FRMPD1: variants seen among roughly 807,000 people sequenced by gnomAD.
The protein encoded by FRMPD1 is FERM and PDZ domain-containing protein 1.
FRMPD1 carries 76 observed loss-of-function variants against 117.8 expected under a neutral mutation model. The ratio of observed to expected loss-of-function variants is 0.65; its 90% CI spans 0.54 to 0.78. The LOEUF is 0.78. Among genes scored for constraint, FRMPD1 ranks in the 30% least tolerant of loss-of-function variants. The pLI, the probability that FRMPD1 is intolerant of heterozygous loss-of-function variation, is 0.00. For missense variants in FRMPD1, 1,786 were observed against 1,964.5 expected (o/e 0.91, Z 1.72); for synonymous variants, 783 against 770.4 (o/e 1.02, Z -0.27).
the FRMPD1 span, chr9:37,636,812 G>A: frequency 3.7e-6 from 6 of 1,611,942 alleles, no homozygotes; most frequent in Non-Finnish European, 4.2e-6. Flanking sequence ...GGTCATGAAC[G>A]CCTGCTCGAC....
chr9:37,619,960 T>A, the FRMPD1 span, among the ~76,000 whole-genome samples: 5 of 151,646 alleles, frequency 3.3e-5, 1 homozygote, highest in South Asian at 1.0e-3. Context: ...TTTGTTTCTA[T>A]CCTCCCCCAC....
Position 37,669,338 on chromosome 9 carries a change from C to T in FRMPD1, c.-5+18244C>T, listed in dbSNP as rs375438955. Among the ~76,000 whole-genome samples the T allele has an allele frequency of 4.6e-5, 7 of 152,332 alleles. No homozygotes were observed. The East Asian group carries it at 1.2e-3, about 25-fold the overall frequency. ...AGGATTCTTCAAGTATGGTCCCCAC[C>T]TGTATTCTCCGAGAGCCTGTGAGAA... is the stretch of plus-strand genomic sequence containing the variant. On this transcript the variant is annotated intron_variant, in intron 1 of 15. Transcript: ENST00000377765.
chr9:37,626,255 A>G, the FRMPD1 span, among the ~76,000 whole-genome samples: 2 of 152,194 alleles, frequency 1.3e-5, no homozygotes, highest in East Asian at 3.9e-4. Context: ...CTTGAACCCC[A>G]GAGGCGGAGG....
At position 37,651,015 on chromosome 9, in the gene FRMPD1, C is replaced by T. The variant is rs537805264; in HGVS notation, c.-84C>T. 45 of 152,182 alleles carry T rather than the reference C, an allele frequency of 3.0e-4. No individual in the cohort carries two copies. The highest frequency in any genetic ancestry group is 1.1e-3 in the African/African-American group (44 of 41,546). 9.4% of individuals were successfully genotyped at this position (152,182 alleles called of 1,614,324 possible). Reference sequence around the variant, plus strand: ...CCCGAGCCTTGGCCGCGACCGTGCCCGCCGCTGGGCGGGGCCGCCCTTCTC... The same window carrying T: ...CCCGAGCCTTGGCCGCGACCGTGCCTGCCGCTGGGCGGGGCCGCCCTTCTC... On this transcript the variant is annotated 5_prime_UTR_variant, in exon 1 of 16. Transcript: ENST00000377765.
intron 1 of FRMPD1, among the ~76,000 whole-genome samples, chr9:37,679,483 TCTC>T (rs1474513656): frequency 1.3e-5 from 2 of 152,194 alleles, no homozygotes; most frequent in African/African-American, 4.8e-5. Context: ...AACATTTTCA[TCTC>T]CTCTAAAAGA....
chr9:37,733,123 C>T (rs556459365), intron 10 of FRMPD1, among the ~76,000 whole-genome samples: 5 of 152,134 alleles, frequency 3.3e-5, no homozygotes, highest in Non-Finnish European at 5.9e-5. Flanking sequence ...AGGAGCTCTG[C>T]GTTGCCCCAT....
the FRMPD1 span, among the ~76,000 whole-genome samples, chr9:37,607,101 G>A: frequency 6.6e-6 from 1 of 152,144 alleles, no homozygotes; most frequent in Non-Finnish European, 1.5e-5. Context: ...GATCACCTGA[G>A]GTCAGGATTT....
the FRMPD1 span, among the ~76,000 whole-genome samples, chr9:37,634,153 T>C: frequency 6.6e-6 from 1 of 152,216 alleles, no homozygotes; most frequent in Non-Finnish European, 1.5e-5. Flanking sequence ...TTTCCTGCTA[T>C]GGTAGGATGA....
the FRMPD1 span, among the ~76,000 whole-genome samples, chr9:37,632,065 T>C: frequency 6.6e-6 from 1 of 152,228 alleles, no homozygotes; most frequent in African/African-American, 2.4e-5. Context: ...TTTATATACA[T>C]AGATGGGCTA....
the FRMPD1 span, among the ~76,000 whole-genome samples, chr9:37,631,484 C>T: frequency 1.3e-5 from 2 of 152,126 alleles, no homozygotes; most frequent in African/African-American, 4.8e-5. Context: ...GGAGGTTTGT[C>T]GAAAGAGACA....
intron 5 of FRMPD1, among the ~76,000 whole-genome samples, chr9:37,718,158 A>G (rs1040767833): frequency 5.3e-5 from 8 of 152,214 alleles, no homozygotes; most frequent in Admixed American, 4.6e-4. Flanking sequence ...TGTTCACTTC[A>G]TGTACTTCAT....
the FRMPD1 span, among the ~76,000 whole-genome samples, chr9:37,619,713 G>C: frequency 6.6e-6 from 1 of 151,344 alleles, no homozygotes; most frequent in African/African-American, 2.4e-5. Context: ...AGCCGAGATT[G>C]TGCCACTGCA....
At chr9:37,614,227 T>C in the FRMPD1 span, among the ~76,000 whole-genome samples, 7 of 152,274 alleles carry the variant, frequency 4.6e-5, no homozygotes, top group South Asian at 1.5e-3. Flanking sequence ...GGATTAGGCA[T>C]GTGGGACTGA....
At chr9:37,732,216 C>T (rs1344959862) in intron 9 of FRMPD1, 88 bp from the exon 10 acceptor site, 2 of 1,414,500 alleles carry the variant, frequency 1.4e-6, no homozygotes, top group Non-Finnish European at 2.0e-6. Context: ...AAGCGGAGCT[C>T]CTGGTCCTGC....
intron 7 of FRMPD1, 109 bp downstream of exon 7, chr9:37,724,429 G>T (rs1354787157): frequency 1.7e-6 from 1 of 593,398 alleles, no homozygotes; most frequent in Non-Finnish European, 3.1e-6. Flanking sequence ...AAACACCGTG[G>T]TCTGAGCCCC....
In FRMPD1 at chr9:37,744,719, T is replaced by A; in HGVS notation, c.2687T>A (p.Leu896His). The A allele has an allele frequency of 6.2e-7, 1 of 1,613,994 alleles. No homozygotes were observed. The highest frequency in any genetic ancestry group is 8.5e-7 in the Non-Finnish European group (1 of 1,179,982). ...CAGGACATGCAGGGTGAGCCTGGCCTTCTGGAGACCAAGGCCTTGGGGCTG... is the reference window on the plus strand; with the variant it reads ...CAGGACATGCAGGGTGAGCCTGGCCATCTGGAGACCAAGGCCTTGGGGCTG... ...SLQDMQGEPG[L>H]LETKALGLLA... Residue 896 changes from leucine to histidine, a missense_variant, in exon 16 of 16, where the codon CTT (leucine) becomes CAT (histidine). Leu to His is a moderately conservative substitution (Grantham distance 99). Transcript: ENST00000377765.
upstream of FRMPD1, among the ~76,000 whole-genome samples, chr9:37,647,025 A>G (rs1588896365): frequency 6.6e-6 from 1 of 152,174 alleles, no homozygotes; most frequent in East Asian, 1.9e-4. Context: ...TTAGGATGCA[A>G]CACAGCTTGT....
chr9:37,626,143 A>G, the FRMPD1 span, among the ~76,000 whole-genome samples: 1 of 152,188 alleles, frequency 6.6e-6, no homozygotes, highest in Non-Finnish European at 1.5e-5. Context: ...CCTGGCCAAC[A>G]TGGTGAAACC....
intron 2 of FRMPD1, among the ~76,000 whole-genome samples, chr9:37,701,238 G>C (rs1231504947): frequency 6.6e-6 from 1 of 152,166 alleles, no homozygotes; most frequent in African/African-American, 2.4e-5. Context: ...CCTGTAGTAA[G>C]GTTTGTTCTT....
Sources: allele counts gnomAD v4.1 joint callset (sites outside exome capture counted in the v4.1 genomes callset), GRCh38; gene constraint gnomAD v4.1.1; transcripts MANE v1.5; gene names NCBI Gene and HGNC (gene_info 2026-07-23, HGNC 2026-07-21).